Variants in PRKD1 observed in about 807,000 individuals in gnomAD.
PRKD1 encodes the protein serine/threonine-protein kinase D1.
Under a neutral mutation model 95.9 loss-of-function variants are expected in PRKD1, and 63 were observed. That is an observed-to-expected ratio of 0.66 (90% CI 0.54 to 0.81). The LOEUF (loss-of-function observed/expected upper bound fraction) is 0.81. Ranked by LOEUF, PRKD1 falls within the 30% of genes least tolerant of loss-of-function variation. PRKD1 has a pLI of 0.00. For missense variants in PRKD1, 1,048 were observed against 1,165.3 expected, an observed-to-expected ratio of 0.90 and a Z score of 1.47; for synonymous variants, 425 against 423.1, an observed-to-expected ratio of 1.00 and a Z score of -0.05.
intron 1 of PRKD1, among the ~76,000 whole-genome samples, chr14:29,866,744 G>T (rs1955055294): frequency 1.3e-5 from 2 of 152,104 alleles, no homozygotes; most frequent in South Asian, 4.1e-4. Flanking sequence ...ATCTAAACAG[G>T]ATTTACAAAG....
intron 1 of PRKD1, among the ~76,000 whole-genome samples, chr14:29,833,582 T>C (rs1471919432): frequency 6.6e-6 from 1 of 152,078 alleles, no homozygotes; most frequent in African/African-American, 2.4e-5. Flanking sequence ...ATTCTAATGA[T>C]GTCAGACAGG....
chr14:29,711,945 C>T (rs1423356543), intron 2 of PRKD1, among the ~76,000 whole-genome samples: 1 of 152,142 alleles, frequency 6.6e-6, no homozygotes. Context: ...TGGAAGATCT[C>T]ATGTGGGATC....
intron 2 of PRKD1, among the ~76,000 whole-genome samples, chr14:29,720,640 C>T (rs1210005926): frequency 6.6e-6 from 1 of 151,718 alleles, no homozygotes; most frequent in African/African-American, 2.4e-5. Flanking sequence ...ATTAGCCGAG[C>T]GTGGTGGTGT....
At chr14:29,654,185 T>C (rs1881698941) in intron 4 of PRKD1, among the ~76,000 whole-genome samples, 1 of 152,132 alleles carries the variant, frequency 6.6e-6, no homozygotes, top group Admixed American at 6.6e-5. Flanking sequence ...TTATTATTAT[T>C]TTTTGAGACA....
At chr14:29,757,334 T>C (rs1469702298) in intron 1 of PRKD1, among the ~76,000 whole-genome samples, 2 of 152,168 alleles carry the variant, frequency 1.3e-5, no homozygotes, top group South Asian at 2.1e-4. Flanking sequence ...TGCAGAGCCA[T>C]GCAGCTAAAT....
intron 17 of PRKD1, 23 bp from the exon 18 acceptor site, chr14:29,577,479 T>C (rs1338604470): frequency 6.3e-7 from 1 of 1,593,728 alleles, no homozygotes; most frequent in African/African-American, 1.3e-5. Context: ...TTCCAAAATA[T>C]TACCATAGAG....
intron 16 of PRKD1, among the ~76,000 whole-genome samples, chr14:29,592,278 C>T (rs891339085): frequency 6.6e-6 from 1 of 150,732 alleles, no homozygotes; most frequent in Admixed American, 6.6e-5. Flanking sequence ...CTGAAATGTT[C>T]CCACACTCTT....
chr14:29,655,413 G>A (rs1881774528), intron 4 of PRKD1, among the ~76,000 whole-genome samples: 1 of 152,120 alleles, frequency 6.6e-6, no homozygotes, highest in African/African-American at 2.4e-5. Context: ...TTCTGGTTGT[G>A]TTTTCATTAG....
At chr14:29,676,177 G>GGTTTTTTTTT (rs1555334424) in intron 2 of PRKD1, among the ~76,000 whole-genome samples, 12 of 104,756 alleles carry the variant, frequency 1.1e-4, no homozygotes, top group African/African-American at 4.6e-4. Context: ...AGTTCATTAC[G>GGTTTTTTTTT]TTTTTGTTTT....
rs36087571 is a variant in PRKD1, at chr14:29,763,125, TAAAAAAAAAAA to T, written c.265-37462_265-37452del. ...CACAGAAAAACCCTGTCTCTAAAAT[TAAAAAAAAAAA>T]AAAAAAAAAAAAAGTTAAAAATTAT... On this transcript the variant is annotated intron_variant, in intron 1 of 17. Coordinates refer to ENST00000331968, the MANE Select transcript of PRKD1 (RefSeq NM_002742.3). Among the ~76,000 whole-genome samples the T allele has an allele frequency of 9.3e-5, 6 of 64,782 alleles. No homozygotes were observed. In the Admixed American group the frequency reaches 1.1e-3, roughly 12 times the overall value. The allele number at this position is 64,782 out of a possible 152,430, so 42.5% of individuals were successfully genotyped here.
chr14:29,789,301 T>TTC (rs1367170992), intron 1 of PRKD1, among the ~76,000 whole-genome samples: 2 of 152,182 alleles, frequency 1.3e-5, no homozygotes, highest in Admixed American at 6.5e-5. Flanking sequence ...GGTGTCACGT[T>TTC]TCCTTGCTTT....
At chr14:29,806,019 C>T (rs188191048) in intron 1 of PRKD1, among the ~76,000 whole-genome samples, 102 of 152,224 alleles carry the variant, frequency 6.7e-4, no homozygotes, top group African/African-American at 2.1e-3. Flanking sequence ...GTAGTGGAGA[C>T]ATCACCCACC....
chr14:29,927,584 C>T lies in PRKD1; in HGVS notation c.-72G>A. The T allele has an allele frequency of 9.2e-7, 1 of 1,083,872 alleles. No homozygotes were observed. The highest frequency in any genetic ancestry group is 1.1e-6 in the Non-Finnish European group (1 of 887,930). The allele number at this position is 1,083,872 out of a possible 1,614,324, so 67.1% of individuals were successfully genotyped here. A position where few individuals can be genotyped will look rare whatever the true frequency, so the allele number is the denominator to read the frequency against. ...GCGCGGCAGCAGGAAAGTTTTGCAGCCGCTGAGCCAGGAGCTTCTTTCTCC... is the reference window on the plus strand; with the variant it reads ...GCGCGGCAGCAGGAAAGTTTTGCAGTCGCTGAGCCAGGAGCTTCTTTCTCC... On this transcript the variant is annotated 5_prime_UTR_variant, in exon 1 of 18. Transcript: ENST00000331968.
At chr14:29,809,166 C>T (rs368393877) in intron 1 of PRKD1, among the ~76,000 whole-genome samples, 2 of 152,154 alleles carry the variant, frequency 1.3e-5, no homozygotes, top group Non-Finnish European at 2.9e-5. Context: ...AAGTCTTAAC[C>T]GTGGCTTAAA....
intron 1 of PRKD1, among the ~76,000 whole-genome samples, chr14:29,876,549 G>A (rs1893296727): frequency 6.6e-6 from 1 of 151,698 alleles, no homozygotes; most frequent in African/African-American, 2.4e-5. Flanking sequence ...GGAAAAAATA[G>A]ACAAACAGAA....
chr14:29,687,295 G>A (rs576369499), intron 2 of PRKD1, among the ~76,000 whole-genome samples: 2 of 152,214 alleles, frequency 1.3e-5, no homozygotes. Context: ...AATTCTACCA[G>A]CAGTACTAAA....
intron 16 of PRKD1, among the ~76,000 whole-genome samples, chr14:29,595,993 T>C (rs1195235625): frequency 6.6e-6 from 1 of 152,242 alleles, no homozygotes; most frequent in African/African-American, 2.4e-5. Flanking sequence ...CTTTTCATCT[T>C]TGTTGAATTA....
rs1411263007 is a variant in PRKD1 at position 29,733,238 on chromosome 14, G to T, written c.265-7564C>A. Among the ~76,000 whole-genome samples the T allele has an allele frequency of 5.3e-5, 8 of 151,888 alleles. No homozygotes were observed. The East Asian group carries it at 1.6e-3, about 30-fold the overall frequency. Reference sequence around the variant, plus strand: ...CTGCCTCAGCCTTCCAAGTAGCTGAGACTACAGGCGCCCGCCACCACACCT... The same window carrying T: ...CTGCCTCAGCCTTCCAAGTAGCTGATACTACAGGCGCCCGCCACCACACCT... On this transcript the variant is annotated intron_variant, in intron 1 of 17. Coordinates refer to ENST00000331968, the MANE Select transcript of PRKD1 (RefSeq NM_002742.3).
At chr14:29,609,009 T>C (rs895558289) in intron 13 of PRKD1, among the ~76,000 whole-genome samples, 7 of 152,262 alleles carry the variant, frequency 4.6e-5, no homozygotes, top group South Asian at 2.1e-4. Context: ...CAAGACCAAA[T>C]AGAACAATCC....
Sources: gnomAD v4.1 joint callset for allele counts (sites outside exome capture counted in the v4.1 genomes callset) on GRCh38, gnomAD v4.1.1 for gene constraint, MANE v1.5 for transcripts, NCBI Gene and HGNC (gene_info 2026-07-23, HGNC 2026-07-21) for gene names.